The following NCOA2 variants were observed in gnomAD, a reference collection of about 807,000 sequenced individuals.
The protein encoded by NCOA2 is nuclear receptor coactivator 2.
Under a neutral mutation model 145.1 loss-of-function variants are expected in NCOA2, and 21 were observed. The ratio of observed to expected loss-of-function variants is 0.14; its 90% CI spans 0.10 to 0.21. The LOEUF is 0.21. Among genes scored for constraint, NCOA2 ranks in the 10% least tolerant of loss-of-function variants. NCOA2 has a pLI of 1.00. For synonymous variants in NCOA2, 619 were observed against 637.5 expected (o/e 0.97, Z 0.44); for missense variants, 1,472 against 1,837.6 (o/e 0.80, Z 3.64).
At chr8:70,353,094 G>A (rs983385195) in intron 1 of NCOA2, among the ~76,000 whole-genome samples, 1 of 151,920 alleles carries the variant, frequency 6.6e-6, no homozygotes, top group Non-Finnish European at 1.5e-5. Flanking sequence ...GCAAACTCAA[G>A]TTTTACTTTA....
intron 15 of NCOA2, among the ~76,000 whole-genome samples, chr8:70,134,223 C>T (rs994776168): frequency 6.6e-6 from 1 of 152,180 alleles, no homozygotes; most frequent in Non-Finnish European, 1.5e-5. Flanking sequence ...GAGGAAGAAG[C>T]AGATGCAGAA....
intron 2 of NCOA2, among the ~76,000 whole-genome samples, chr8:70,285,940 T>C (rs567175150): frequency 6.6e-6 from 1 of 152,302 alleles, no homozygotes; most frequent in African/African-American, 2.4e-5. Context: ...TACCTGACAA[T>C]ATGATTTAAT....
At chr8:70,419,713 C>A in the NCOA2 span, among the ~76,000 whole-genome samples, 412 of 152,256 alleles carry the variant, frequency 2.7e-3, 1 homozygote, top group Middle Eastern at 0.024. Flanking sequence ...GTGTCATCTA[C>A]CAAACTGAGT....
At chr8:70,392,288 C>A (rs542513147) in intron 1 of NCOA2, among the ~76,000 whole-genome samples, 1 of 152,370 alleles carries the variant, frequency 6.6e-6, no homozygotes, top group South Asian at 2.1e-4. Context: ...GGACACTGCA[C>A]AAAGCGCCGC....
At chr8:70,377,704 G>A (rs1811805425) in intron 1 of NCOA2, among the ~76,000 whole-genome samples, 1 of 152,132 alleles carries the variant, frequency 6.6e-6, no homozygotes. Flanking sequence ...ATGGAAATAT[G>A]TAAATTAGTT....
the NCOA2 span, among the ~76,000 whole-genome samples, chr8:70,416,471 C>T: frequency 6.6e-6 from 1 of 152,202 alleles, no homozygotes; most frequent in East Asian, 1.9e-4. Flanking sequence ...CATGATACAA[C>T]TATCTTGTGT....
rs757822323 is a variant in NCOA2, at chr8:70,156,778, A to G, written c.1587T>C (p.Tyr529=). Residue 529 remains tyrosine, a synonymous_variant, in exon 11 of 23, where the codon TAT becomes TAC. Transcript: ENST00000452400. ...GAAGTGCATTGAGGGAGCTGTTGGTATAACTATGGCTATTTCCTGTGCTGC... is the reference window on the plus strand; with the variant it reads ...GAAGTGCATTGAGGGAGCTGTTGGTGTAACTATGGCTATTTCCTGTGCTGC... ...VCSSTGNSHS[Y]TNSSLNALQA... The G allele has an allele frequency of 5.0e-6, 8 of 1,614,008 alleles. No individual in the cohort carries two copies. The highest frequency in any genetic ancestry group is 2.2e-5 in the East Asian group (1 of 44,876).
At chr8:70,398,667 T>G (rs986431901) in intron 1 of NCOA2, among the ~76,000 whole-genome samples, 4 of 152,224 alleles carry the variant, frequency 2.6e-5, no homozygotes, top group Non-Finnish European at 4.4e-5. Flanking sequence ...TTTAACCAGT[T>G]GCGAGTAACT....
In NCOA2 at chr8:70,270,315, T is replaced by C. The variant is rs184105210; in HGVS notation, c.-20+26429A>G. ...CATGTCCCAGCATGGCCCTCAACTATGCAACAGCCGAAAAATTGTTTACTA... is the reference window on the plus strand; with the variant it reads ...CATGTCCCAGCATGGCCCTCAACTACGCAACAGCCGAAAAATTGTTTACTA... On this transcript the variant is annotated intron_variant, in intron 2 of 22. Transcript: ENST00000452400. Among the ~76,000 whole-genome samples the C allele has an allele frequency of 3.7e-4, 57 of 152,292 alleles. No individual in the cohort carries two copies. The East Asian group carries it at 0.01, about 28-fold the overall frequency.
At chr8:70,122,526 G>A (rs568616864) in intron 21 of NCOA2, among the ~76,000 whole-genome samples, 1 of 151,878 alleles carries the variant, frequency 6.6e-6, no homozygotes, top group Non-Finnish European at 1.5e-5. Context: ...TGAATAGCTG[G>A]GATTATAGGC....
chr8:70,383,757 G>A (rs1373405513), intron 1 of NCOA2, among the ~76,000 whole-genome samples: 1 of 152,006 alleles, frequency 6.6e-6, no homozygotes, highest in South Asian at 2.1e-4. Flanking sequence ...CGCCCACCTC[G>A]GCCTCCCAAA....
At chr8:70,118,122 C>T (rs919027540) in intron 22 of NCOA2, among the ~76,000 whole-genome samples, 1 of 152,180 alleles carries the variant, frequency 6.6e-6, no homozygotes, top group South Asian at 2.1e-4. Context: ...GGCTAGCATG[C>T]AGCCGCATGA....
chr8:70,215,199 C>T (rs549515548), intron 3 of NCOA2, among the ~76,000 whole-genome samples: 1 of 152,130 alleles, frequency 6.6e-6, no homozygotes, highest in South Asian at 2.1e-4. Flanking sequence ...CTTAGAATAG[C>T]CCAGTTCCCA....
At position 70,110,967 on chromosome 8, in the gene NCOA2, T is replaced by G; in HGVS notation, c.*2665A>C. On this transcript the variant is annotated 3_prime_UTR_variant, in exon 23 of 23. Transcript: ENST00000452400. ...AAACCAAGTACTCAGTCTAACAAAT[T>G]TATTGTGTACAGCATGAGAAATACT... The G allele has an allele frequency of 4.5e-6, 1 of 222,860 alleles. No homozygotes were observed. The highest frequency in any genetic ancestry group is 6.6e-5 in the East Asian group (1 of 15,102). The allele number at this position is 222,860 out of a possible 1,614,324, so 13.8% of individuals were successfully genotyped here.
Position 70,156,252 on chromosome 8 carries a change from T to C in NCOA2, c.2113A>G (p.Lys705Glu). 2 of 1,614,002 alleles carry C rather than the reference T, an allele frequency of 1.2e-6. No homozygotes were observed. The highest frequency in any genetic ancestry group is 1.7e-6 in the Non-Finnish European group (2 of 1,179,880). ...QDSSSPVDLA[K>E]LTAEATGKDL... The stretch of plus-strand genomic sequence containing the variant: ...TTGCCTGTGGCTTCTGCTGTTAACT[T>C]GGCCAAGTCCACAGGGGAACTGCTG... The change falls in exon 11 of 23, where the codon AAG (lysine) becomes GAG (glutamate). Residue 705 changes from lysine to glutamate, a missense_variant. Around this residue, in one of 4 missense-constraint regions of NCOA2, gnomAD observed 953 missense variants for 1,062.1 expected, o/e 0.90. Coordinates refer to ENST00000452400, the MANE Select transcript of NCOA2 (RefSeq NM_006540.4).
chr8:70,355,045 ACT>A (rs1447161876), intron 1 of NCOA2, among the ~76,000 whole-genome samples: 4 of 152,172 alleles, frequency 2.6e-5, no homozygotes, highest in African/African-American at 7.2e-5. Context: ...TAATTAGCAC[ACT>A]CTGTATAATA....
At chr8:70,238,349 G>A (rs1023801881) in intron 2 of NCOA2, among the ~76,000 whole-genome samples, 5 of 152,100 alleles carry the variant, frequency 3.3e-5, no homozygotes, top group African/African-American at 1.2e-4. Flanking sequence ...AATGTATTAT[G>A]CATGACATTA....
At chr8:70,179,899 C>T (rs1370180852) in intron 4 of NCOA2, among the ~76,000 whole-genome samples, 2 of 152,144 alleles carry the variant, frequency 1.3e-5, no homozygotes, top group East Asian at 1.9e-4. Flanking sequence ...ATTATTTCTT[C>T]CTGCTACGCT....
chr8:70,403,544 C>T (rs1814588047), intron 1 of NCOA2, among the ~76,000 whole-genome samples, 156 bp downstream of exon 1: 1 of 149,064 alleles, frequency 6.7e-6, no homozygotes, highest in Non-Finnish European at 1.5e-5. Context: ...ACTCCGGCGG[C>T]GGTCCCCGCA....
Sources: allele counts gnomAD v4.1 joint callset (sites outside exome capture counted in the v4.1 genomes callset), GRCh38; gene constraint gnomAD v4.1.1; regional missense constraint gnomAD v4.1.1; transcripts MANE v1.5; gene names NCBI Gene and HGNC (gene_info 2026-07-23, HGNC 2026-07-21).